The following SLC9A3 variants were observed in gnomAD, a reference collection of about 807,000 sequenced individuals.
SLC9A3 encodes solute carrier family 9 member A3.
SLC9A3 carries 37 observed loss-of-function variants against 86.8 expected under a neutral mutation model. The observed-to-expected ratio is 0.43, with a 90% CI of 0.33 to 0.56. The LOEUF (loss-of-function observed/expected upper bound fraction) is 0.56, where lower values mean the gene tolerates loss of function less well. Among genes scored for constraint, SLC9A3 ranks in the 20% least tolerant of loss-of-function variants. The pLI is 0.06. For missense variants in SLC9A3, 1,011 were observed against 1,171.9 expected, an observed-to-expected ratio of 0.86 and a Z score of 2.00; for synonymous variants, 581 against 528.3, an observed-to-expected ratio of 1.10 and a Z score of -1.37.
At chr5:492,980 A>AC (rs1183045095) in intron 1 of SLC9A3, among the ~76,000 whole-genome samples, 3 of 150,764 alleles carry the variant, frequency 2.0e-5, no homozygotes, top group African/African-American at 7.3e-5. Context: ...GGTCCTGGGG[A>AC]CCCCCCGTGG....
At chr5:494,244 G>A (rs918962987) in intron 1 of SLC9A3, among the ~76,000 whole-genome samples, 1 of 152,368 alleles carries the variant, frequency 6.6e-6, no homozygotes, top group South Asian at 2.1e-4. Flanking sequence ...CCCCAGATCT[G>A]GGCTCACGGG....
At chr5:499,943 C>T (rs977600465) in intron 1 of SLC9A3, among the ~76,000 whole-genome samples, 1 of 152,230 alleles carries the variant, frequency 6.6e-6, no homozygotes, top group African/African-American at 2.4e-5. Flanking sequence ...AGAAGGAACC[C>T]ACAGCCCTGG....
chr5:499,997 C>A (rs1390331203), intron 1 of SLC9A3, among the ~76,000 whole-genome samples: 1 of 152,236 alleles, frequency 6.6e-6, no homozygotes, highest in African/African-American at 2.4e-5. Context: ...GCCTCCTCGG[C>A]CCAGAGCTGT....
At position 472,837 on chromosome 5, in the gene SLC9A3, TG is replaced by T. The variant is rs911998427; in HGVS notation, c.*541del. 16 of 525,170 alleles carry T rather than the reference TG, an allele frequency of 3.0e-5. No homozygotes were observed. Among genetic ancestry groups the T allele is most frequent in the Admixed American group, 1.5e-4 (6 of 40,342 alleles). 32.5% of individuals were successfully genotyped at this position (525,170 alleles called of 1,614,324 possible). A position where few individuals can be genotyped will look rare whatever the true frequency, so the allele number is the denominator to read the frequency against. Reference sequence around the variant, plus strand: ...TCAGTCCCCGGGCGCGGGGCTCGGTTGGGGGGGCCCGGAACCTTGGGCTGGT... The same window carrying T: ...TCAGTCCCCGGGCGCGGGGCTCGGTTGGGGGGCCCGGAACCTTGGGCTGGT... On this transcript the variant is annotated 3_prime_UTR_variant, in exon 17 of 17. Coordinates refer to ENST00000264938, the MANE Select transcript of SLC9A3 (RefSeq NM_004174.4).
At position 482,742 on chromosome 5, in the gene SLC9A3, G is replaced by A. The variant is rs1183871970; in HGVS notation, c.1162C>T (p.Leu388=). ...ISVYRAIGVV[L]QTWLLNRYRM... is the part of the protein sequence containing the mutation. ...TAGCGGTTCAGAAGCCAGGTCTGCA[G>A]GACCACACCTGCGGATGATGGGGCG... is the stretch of plus-strand genomic sequence containing the variant. Residue 388 remains leucine, a synonymous_variant, in exon 7 of 17, where the codon CTG becomes TTG. Transcript: ENST00000264938. 4 of 1,603,190 alleles carry A rather than the reference G, an allele frequency of 2.5e-6. No homozygotes were observed. The highest frequency in any genetic ancestry group is 3.4e-6 in the Non-Finnish European group (4 of 1,175,628).
intron 9 of SLC9A3, 199 bp from the exon 10 acceptor site, chr5:480,164 T>C (rs543014415): frequency 8.2e-5 from 46 of 561,934 alleles, no homozygotes; most frequent in African/African-American, 8.0e-4. Context: ...TGGAGGCCGT[T>C]AGACGCATAT....
At chr5:489,708 C>T (rs563994896) in intron 2 of SLC9A3, among the ~76,000 whole-genome samples, 6 of 152,324 alleles carry the variant, frequency 3.9e-5, no homozygotes, top group Admixed American at 2.6e-4. Flanking sequence ...CCTCAGGACA[C>T]GAATCCCCTT....
chr5:493,534 AT>A (rs1364886007), intron 1 of SLC9A3, among the ~76,000 whole-genome samples: 17 of 152,122 alleles, frequency 1.1e-4, no homozygotes, highest in African/African-American at 1.9e-4. Context: ...GCTGTTCTGG[AT>A]TTGCCGTTCC....
At chr5:514,196 C>T (rs1306335005) in intron 1 of SLC9A3, among the ~76,000 whole-genome samples, 1 of 152,268 alleles carries the variant, frequency 6.6e-6, no homozygotes, top group African/African-American at 2.4e-5. Flanking sequence ...AAGACAGAAA[C>T]CTGGAAGTGG....
intron 1 of SLC9A3, among the ~76,000 whole-genome samples, chr5:510,855 A>G (rs1740844116): frequency 6.6e-6 from 1 of 152,176 alleles, no homozygotes; most frequent in African/African-American, 2.4e-5. Context: ...AGCTTTCTCT[A>G]GGCACTGCTG....
chr5:497,936 A>G lies in SLC9A3; in HGVS notation c.212-5865T>C, dbSNP rs545822470. On this transcript the variant is annotated intron_variant, in intron 1 of 16. Transcript: ENST00000264938. This position sits in a 1 kb window ranked among gnomAD's most constrained non-coding sequence, Gnocchi z 5.4. The stretch of plus-strand genomic sequence containing the variant: ...CATCCCCAGCCTCTGCCCTCCGACA[A>G]CTCAGGCACCTGCTGGTCAGCTATG... Among the ~76,000 whole-genome samples, 121 of 151,714 alleles carry G rather than the reference A, an allele frequency of 8.0e-4. 2 individuals carry two copies. Among genetic ancestry groups the G allele is most frequent in the African/African-American group, 2.8e-3 (117 of 41,412 alleles).
chr5:524,111 C>A lies in SLC9A3; in HGVS notation c.211+1G>T. 1 of 1,504,260 alleles carries A rather than the reference C, an allele frequency of 6.6e-7. No individual in the cohort carries two copies. The highest frequency in any genetic ancestry group is 8.9e-7 in the Non-Finnish European group (1 of 1,124,472). The allele number at this position is 1,504,260 out of a possible 1,614,324, so 93.2% of individuals were successfully genotyped here. Reference sequence around the variant, plus strand: ...GATCCGGAGACCCCGGGGCCACTTACCGATCTTGGCCAAGCTGGCCACGAG... The same window carrying A: ...GATCCGGAGACCCCGGGGCCACTTAACGATCTTGGCCAAGCTGGCCACGAG... On this transcript the variant is annotated splice_donor_variant, in intron 1 of 16. Coordinates refer to ENST00000264938, the MANE Select transcript of SLC9A3 (RefSeq NM_004174.4). LOFTEE classifies it high-confidence loss of function.
rs538617328 is a variant in SLC9A3 at position 513,291 on chromosome 5, G to A, written c.211+10821C>T. ...GGATTGGCAACATTTACCATGGGCA[G>A]TATCTGGGAGCTTCATTTTGTTGAT... On this transcript the variant is annotated intron_variant, in intron 1 of 16. Coordinates refer to ENST00000264938, the MANE Select transcript of SLC9A3 (RefSeq NM_004174.4). Among the ~76,000 whole-genome samples the A allele has an allele frequency of 7.9e-5, 12 of 152,312 alleles. No individual in the cohort carries two copies. The South Asian group carries it at 2.1e-3, about 26-fold the overall frequency.
rs1412012180 is a variant in SLC9A3 at position 472,989 on chromosome 5, A to C, written c.*390T>G. 2.0e-6 allele frequency: 1 copy of C among 490,304 alleles called. No individual in the cohort carries two copies. The highest frequency in any genetic ancestry group is 2.1e-5 in the African/African-American group (1 of 48,134). The allele number at this position is 490,304 out of a possible 1,614,324, so 30.4% of individuals were successfully genotyped here. On this transcript the variant is annotated 3_prime_UTR_variant, in exon 17 of 17. Transcript: ENST00000264938. ...TCACAGCGGCGTCTCCTCCTGCTCC[A>C]GCGCGTGCGGCGGTGCGTGGCACGA...
At chr5:481,711 C>T (rs1027509608) in intron 8 of SLC9A3, 76 bp from the exon 9 acceptor site, 89 of 1,282,358 alleles carry the variant, frequency 6.9e-5, no homozygotes, top group Non-Finnish European at 7.1e-5. Flanking sequence ...ACTCCTGGCC[C>T]AGCCCCGAGG....
At position 476,763 on chromosome 5, in the gene SLC9A3, T is replaced by A; in HGVS notation, c.1761-91A>T. The A allele has an allele frequency of 2.0e-6, 3 of 1,505,950 alleles. No individual in the cohort carries two copies. The South Asian group carries it at 3.6e-5, about 18-fold the overall frequency. The allele number at this position is 1,505,950 out of a possible 1,614,324, so 93.3% of individuals were successfully genotyped here. On this transcript the variant is annotated intron_variant, in intron 11 of 16. Transcript: ENST00000264938. The stretch of plus-strand genomic sequence containing the variant: ...CCTTCCCACGGCGGGCATCTGGCCC[T>A]GGCTGCCTCCTGCGTGCCCCTCGCC...
chr5:524,386 G>A lies in SLC9A3; in HGVS notation c.-64C>T. On this transcript the variant is annotated 5_prime_UTR_variant, in exon 1 of 17. Transcript: ENST00000264938. ...CGGGGGGTCCCGGCTGGGCTGGGCC[G>A]ACGCGCGGGGCTGGGACCCGGCGAG... The A allele has an allele frequency of 2.9e-6, 2 of 698,074 alleles. No homozygotes were observed. Among genetic ancestry groups the A allele is most frequent in the South Asian group, 6.8e-5 (1 of 14,676 alleles). The allele number at this position is 698,074 out of a possible 1,614,324, so 43.2% of individuals were successfully genotyped here. A position where few individuals can be genotyped will look rare whatever the true frequency, so the allele number is the denominator to read the frequency against.
chr5:522,063 G>T (rs1733897785), intron 1 of SLC9A3, among the ~76,000 whole-genome samples: 1 of 152,018 alleles, frequency 6.6e-6, no homozygotes, highest in Non-Finnish European at 1.5e-5. Context: ...TCTGGAGAGG[G>T]TCTGCGCCTG....
chr5:518,630 T>A (rs555548013), intron 1 of SLC9A3, among the ~76,000 whole-genome samples: 79 of 152,246 alleles, frequency 5.2e-4, no homozygotes, highest in African/African-American at 1.8e-3. Flanking sequence ...GAACCCCAAC[T>A]CTAAACATGC....
Sources: allele counts gnomAD v4.1 joint callset (sites outside exome capture counted in the v4.1 genomes callset), GRCh38; gene constraint gnomAD v4.1.1; non-coding constraint Gnocchi (gnomAD v3.1); transcripts MANE v1.5; gene names NCBI Gene and HGNC (gene_info 2026-07-23, HGNC 2026-07-21).